Variants in SIDT1 observed in about 807,000 individuals in gnomAD.
SIDT1 encodes SID1 transmembrane family, member 1.
In SIDT1, 101 loss-of-function variants were observed where a neutral mutation model predicts 107.5. That is an observed-to-expected ratio of 0.94 (90% CI 0.80 to 1.11). The LOEUF is 1.11. Ranked by LOEUF, SIDT1 falls within the 50% of genes least tolerant of loss-of-function variation. The pLI is 0.00. For missense variants in SIDT1, 1,076 were observed against 1,058.2 expected (o/e 1.02, Z -0.23); for synonymous variants, 395 against 398.2 (o/e 0.99, Z 0.10).
At chr3:113,600,362 A>G (rs1475248308) in intron 10 of SIDT1, among the ~76,000 whole-genome samples, 2 of 152,142 alleles carry the variant, frequency 1.3e-5, no homozygotes, top group African/African-American at 2.4e-5. Context: ...ACCGAGACCA[A>G]TACAATGAAA....
Position 113,580,685 on chromosome 3 carries a change from T to C in SIDT1, c.639T>C (p.Ser213=), listed in dbSNP as rs1031377670. 1 of 1,612,464 alleles carries C rather than the reference T, an allele frequency of 6.2e-7. No individual in the cohort carries two copies. Among genetic ancestry groups the C allele is most frequent in the African/African-American group, 1.3e-5 (1 of 75,044 alleles). ...KVVSEMAYPC[S]VVSVQNIMCP... is the part of the protein sequence containing the mutation. ...TGTCTGAAATGGCTTATCCATGTTC[T>C]GTTGTCTCAGTCCAGAATATCATGG... The change falls in exon 5 of 25, where the codon TCT becomes TCC. Residue 213 remains serine (S), a synonymous_variant. Coordinates refer to ENST00000264852, the MANE Select transcript of SIDT1 (RefSeq NM_017699.3).
At chr3:113,561,366 A>T (rs533106792) in intron 1 of SIDT1, among the ~76,000 whole-genome samples, 188 of 152,262 alleles carry the variant, frequency 1.2e-3, no homozygotes, top group African/African-American at 4.3e-3. Context: ...GTTTGTTTTT[A>T]TTATGACTAG....
At chr3:113,544,148 T>C (rs1356944433) in intron 1 of SIDT1, among the ~76,000 whole-genome samples, 1 of 151,998 alleles carries the variant, frequency 6.6e-6, no homozygotes. Context: ...AGAACACACA[T>C]TGCATTTAAT....
intron 4 of SIDT1, among the ~76,000 whole-genome samples, chr3:113,577,943 G>A (rs1329337538): frequency 6.6e-6 from 1 of 152,164 alleles, no homozygotes; most frequent in Non-Finnish European, 1.5e-5. Flanking sequence ...CTGAACAGCT[G>A]GGAAGTGACT....
downstream of SIDT1, among the ~76,000 whole-genome samples, chr3:113,634,463 C>G (rs1947111417): frequency 6.6e-6 from 1 of 152,036 alleles, no homozygotes; most frequent in Non-Finnish European, 1.5e-5. Context: ...TCAAGACCAG[C>G]CTGGCCAACA....
intron 1 of SIDT1, among the ~76,000 whole-genome samples, chr3:113,541,947 G>A (rs1938944062): frequency 7.1e-6 from 1 of 140,500 alleles, no homozygotes; most frequent in Non-Finnish European, 1.5e-5. Context: ...TTTTTTAGAT[G>A]GAGTCTTGTT....
At chr3:113,598,645 G>C (rs1944745082) in intron 10 of SIDT1, among the ~76,000 whole-genome samples, 1 of 152,150 alleles carries the variant, frequency 6.6e-6, no homozygotes, top group South Asian at 2.1e-4. Context: ...CAAATTACTT[G>C]ATCTCTCAGC....
At chr3:113,612,753 T>C (rs762228400) in intron 19 of SIDT1, among the ~76,000 whole-genome samples, 2 of 152,228 alleles carry the variant, frequency 1.3e-5, no homozygotes, top group African/African-American at 2.4e-5. Context: ...TGTTGATCAG[T>C]CATCATATAT....
chr3:113,576,911 AC>A lies in SIDT1; in HGVS notation c.516-10del. The A allele has an allele frequency of 1.9e-6, 3 of 1,613,924 alleles. No individual in the cohort carries two copies. The highest frequency in any genetic ancestry group is 2.5e-6 in the Non-Finnish European group (3 of 1,179,854). ...TTTTCCCCTTTCCCTTCTGCCACTT[AC>A]GTTTCTCAGGACAAATGTTGCCTTT... On this transcript the variant is annotated splice_polypyrimidine_tract_variant and intron_variant, in intron 3 of 24. Coordinates refer to ENST00000264852, the MANE Select transcript of SIDT1 (RefSeq NM_017699.3).
At chr3:113,570,017 T>C (rs1264980995) in intron 3 of SIDT1, among the ~76,000 whole-genome samples, 1 of 152,140 alleles carries the variant, frequency 6.6e-6, no homozygotes, top group Non-Finnish European at 1.5e-5. Context: ...GCGATTCTTG[T>C]GCCTCAGCCT....
chr3:113,603,988 G>A lies in SIDT1; in HGVS notation c.1292G>A (p.Arg431Lys). The A allele has an allele frequency of 6.2e-7, 1 of 1,611,924 alleles. No individual in the cohort carries two copies. Among genetic ancestry groups the A allele is most frequent in the South Asian group, 1.1e-5 (1 of 90,628 alleles). Reference sequence around the variant, plus strand: ...TTCCTTTACCTGTCAGATTTGTCCAGGAAGGACCGGAGAATTGTCAGCAAA... The same window carrying A: ...TTCCTTTACCTGTCAGATTTGTCCAAGAAGGACCGGAGAATTGTCAGCAAA... The part of the protein sequence containing the change: ...KMFLYLSDLS[R>K]KDRRIVSKKY... Residue 431 changes from arginine to lysine, a missense_variant, in exon 13 of 25, where the codon AGG becomes AAG. Coordinates refer to ENST00000264852, the MANE Select transcript of SIDT1 (RefSeq NM_017699.3).
the SIDT1 span, among the ~76,000 whole-genome samples, chr3:113,634,931 G>A: frequency 3.9e-5 from 6 of 152,160 alleles, no homozygotes; most frequent in Non-Finnish European, 7.3e-5. Context: ...ATAAAACCAC[G>A]GCTGTGAAGC....
chr3:113,576,864 CT>C (rs1203796416), intron 3 of SIDT1, 57 bp from the exon 4 acceptor site: 3 of 1,555,842 alleles, frequency 1.9e-6, no homozygotes, highest in Non-Finnish European at 2.7e-6. Context: ...TTTTTGCTCA[CT>C]AACTTATGCT....
chr3:113,635,666 A>G, the SIDT1 span, among the ~76,000 whole-genome samples: 2 of 152,140 alleles, frequency 1.3e-5, no homozygotes, highest in East Asian at 1.9e-4. Context: ...GGAGATCAAG[A>G]CCATCCTGGA....
chr3:113,605,122 C>CTTTTTTTTT, intron 14 of SIDT1, 146 bp downstream of exon 14: 10 of 306,958 alleles, frequency 3.3e-5, no homozygotes, highest in South Asian at 1.2e-4. Context: ...CTATTGCTTC[C>CTTTTTTTTT]TCTTTTTTTT....
intron 1 of SIDT1, among the ~76,000 whole-genome samples, chr3:113,561,945 C>T (rs1032098119): frequency 2.0e-5 from 3 of 152,136 alleles, no homozygotes; most frequent in Non-Finnish European, 1.5e-5. Context: ...GTTCTGACTG[C>T]TATAGCTTTT....
intron 1 of SIDT1, 111 bp downstream of exon 1, chr3:113,533,354 G>A (rs969509405): frequency 3.5e-6 from 3 of 854,956 alleles, no homozygotes; most frequent in Non-Finnish European, 4.9e-6. Flanking sequence ...GGGGACCAGG[G>A]GACTTTCTTT....
intron 21 of SIDT1, 113 bp downstream of exon 21, chr3:113,619,839 G>A (rs958649718): frequency 2.0e-6 from 2 of 982,464 alleles, no homozygotes; most frequent in African/African-American, 1.6e-5. Context: ...GGAGAAGGTA[G>A]GACTGCTTGT....
intron 1 of SIDT1, among the ~76,000 whole-genome samples, chr3:113,536,855 G>A (rs1938231023): frequency 6.6e-6 from 1 of 152,376 alleles, no homozygotes; most frequent in Middle Eastern, 3.4e-3. Flanking sequence ...TTCTCTGGAA[G>A]GAAGTGTCTG....
Sources: gnomAD v4.1 joint callset for allele counts (sites outside exome capture counted in the v4.1 genomes callset) on GRCh38, gnomAD v4.1.1 for gene constraint, MANE v1.5 for transcripts, NCBI Gene and HGNC (gene_info 2026-07-23, HGNC 2026-07-21) for gene names.